Variants in PPP2R3A observed in about 807,000 individuals in gnomAD.
PPP2R3A encodes serine/threonine-protein phosphatase 2A regulatory subunit B'' subunit alpha.
A neutral mutation model predicts 106.9 loss-of-function variants in PPP2R3A; 80 were observed. The observed-to-expected ratio is 0.75, with a 90% CI of 0.62 to 0.90. The LOEUF (loss-of-function observed/expected upper bound fraction) is 0.90. PPP2R3A is among the 40% of genes least tolerant of loss of function. PPP2R3A has a pLI of 0.00. For missense variants in PPP2R3A, 1,386 were observed against 1,350.4 expected, an observed-to-expected ratio of 1.03 and a Z score of -0.41; for synonymous variants, 483 against 468.3, an observed-to-expected ratio of 1.03 and a Z score of -0.41.
chr3:136,128,088 T>G (rs548145916), intron 13 of PPP2R3A, among the ~76,000 whole-genome samples: 77 of 152,268 alleles, frequency 5.1e-4, no homozygotes, highest in Non-Finnish European at 3.5e-4. Flanking sequence ...ATCGATGCTA[T>G]GAAGAAACTG....
At chr3:136,022,531 G>A (rs570001668) in intron 2 of PPP2R3A, among the ~76,000 whole-genome samples, 8 of 152,042 alleles carry the variant, frequency 5.3e-5, no homozygotes, top group African/African-American at 1.4e-4. Context: ...TCAGTAGCCT[G>A]TTCTTTTTTT....
intron 9 of PPP2R3A, among the ~76,000 whole-genome samples, chr3:136,088,507 T>C (rs1272423707): frequency 6.6e-6 from 1 of 152,210 alleles, no homozygotes; most frequent in Non-Finnish European, 1.5e-5. Context: ...TTGGTAGGCA[T>C]CTAGGTTGAT....
At chr3:135,977,179 C>G (rs1277486880) in intron 1 of PPP2R3A, among the ~76,000 whole-genome samples, 1 of 151,990 alleles carries the variant, frequency 6.6e-6, no homozygotes, top group Non-Finnish European at 1.5e-5. Context: ...ACAATGAACA[C>G]TTGTTACCAC....
chr3:136,047,752 A>C (rs1004237897), intron 4 of PPP2R3A, among the ~76,000 whole-genome samples: 1 of 152,028 alleles, frequency 6.6e-6, no homozygotes, highest in African/African-American at 2.4e-5. Context: ...ATACAAAAAA[A>C]AATTTAGGCA....
chr3:136,088,150 G>A (rs1308279439), intron 9 of PPP2R3A, among the ~76,000 whole-genome samples: 1 of 152,108 alleles, frequency 6.6e-6, no homozygotes, highest in Non-Finnish European at 1.5e-5. Context: ...TGTCACATGG[G>A]AACACTGGGT....
chr3:136,100,416 T>C (rs1352403756), intron 10 of PPP2R3A, among the ~76,000 whole-genome samples: 1 of 151,840 alleles, frequency 6.6e-6, no homozygotes, highest in Non-Finnish European at 1.5e-5. Flanking sequence ...GGCTCACGCC[T>C]GTAATCCCAG....
Position 136,001,669 on chromosome 3 carries a change from C to T in PPP2R3A, c.171C>T (p.His57=), listed in dbSNP as rs577322655. ...VHHSVCADLL[H]IPVSQFKDAD... is the part of the protein sequence containing the mutation. ...ATAGTGTTTGTGCAGACCTCTTGCACATCCCTGTGTCTCAGTTCAAAGATG... is the reference window on the plus strand; with the variant it reads ...ATAGTGTTTGTGCAGACCTCTTGCATATCCCTGTGTCTCAGTTCAAAGATG... Residue 57 remains histidine, a synonymous_variant, in exon 2 of 14, where the codon CAC becomes CAT. Transcript: ENST00000264977. 8 of 1,614,154 alleles carry T rather than the reference C, an allele frequency of 5.0e-6. No homozygotes were observed. The highest frequency in any genetic ancestry group is 5.9e-6 in the Non-Finnish European group (7 of 1,180,028).
chr3:135,990,755 C>A (rs1933125735), intron 1 of PPP2R3A, among the ~76,000 whole-genome samples: 1 of 152,086 alleles, frequency 6.6e-6, no homozygotes, highest in Non-Finnish European at 1.5e-5. Context: ...CACGGATTCT[C>A]TTCTAGACTC....
chr3:136,147,819 TAA>T lies in PPP2R3A; in HGVS notation c.*2654_*2655del, dbSNP rs1164294575. ...AGATTTGCTCAGCTTTTTGAAATGT[TAA>T]GATGTGTTTGGAGAAGGCTGCATGA... On this transcript the variant is annotated 3_prime_UTR_variant, in exon 14 of 14. Coordinates refer to ENST00000264977, the MANE Select transcript of PPP2R3A (RefSeq NM_002718.5). 1 of 152,216 alleles carries T rather than the reference TAA, an allele frequency of 6.6e-6. No homozygotes were observed. The highest frequency in any genetic ancestry group is 2.4e-5 in the African/African-American group (1 of 41,456). The allele number at this position is 152,216 out of a possible 1,614,324, so 9.4% of individuals were successfully genotyped here.
intron 13 of PPP2R3A, among the ~76,000 whole-genome samples, chr3:136,132,791 G>C (rs1403050873): frequency 6.6e-6 from 1 of 151,782 alleles, no homozygotes; most frequent in Non-Finnish European, 1.5e-5. Flanking sequence ...AAAATATCTA[G>C]AATAGCCAAA....
Position 135,985,586 on chromosome 3 carries a change from G to A in PPP2R3A, c.-440-15473G>A, listed in dbSNP as rs575636040. Among the ~76,000 whole-genome samples the A allele has an allele frequency of 5.6e-4, 85 of 152,228 alleles. 1 individual carries two copies. The highest frequency in any genetic ancestry group is 1.5e-3 in the African/African-American group (61 of 41,548). On this transcript the variant is annotated intron_variant, in intron 1 of 13. Coordinates refer to ENST00000264977, the MANE Select transcript of PPP2R3A (RefSeq NM_002718.5). The stretch of plus-strand genomic sequence containing the variant: ...GTAGTCTTACACCTAATGTATAACC[G>A]TTCCTTTGACCCTGCCAGTGGAGGC...
intron 13 of PPP2R3A, among the ~76,000 whole-genome samples, chr3:136,140,302 T>C (rs1053716444): frequency 1.1e-4 from 16 of 151,860 alleles, no homozygotes; most frequent in African/African-American, 3.1e-4. Context: ...TCAAGATGAA[T>C]TGTGAGGCCA....
intron 2 of PPP2R3A, among the ~76,000 whole-genome samples, chr3:136,018,061 G>A (rs570573985): frequency 4.3e-4 from 66 of 152,332 alleles, no homozygotes; most frequent in African/African-American, 1.5e-3. Flanking sequence ...GAGCCCAGGA[G>A]TTCAGGACCA....
At position 136,002,923 on chromosome 3, in the gene PPP2R3A, A is replaced by C. The variant is rs1273466955; in HGVS notation, c.1425A>C (p.Lys475Asn). ...ATGAAATTGGTAAGATATTTGAGAAATCATTTGTTAATCTACCTAAGGAAG... is the reference window on the plus strand; with the variant it reads ...ATGAAATTGGTAAGATATTTGAGAACTCATTTGTTAATCTACCTAAGGAAG... ...MQNEIGKIFE[K>N]SFVNLPKEDC... Residue 475 changes from lysine to asparagine, a missense_variant, in exon 2 of 14, where the codon AAA becomes AAC. Coordinates refer to ENST00000264977, the MANE Select transcript of PPP2R3A (RefSeq NM_002718.5). 2 of 1,611,830 alleles carry C rather than the reference A, an allele frequency of 1.2e-6. No homozygotes were observed. Among genetic ancestry groups the C allele is most frequent in the East Asian group, 4.5e-5 (2 of 44,854 alleles).
intron 5 of PPP2R3A, among the ~76,000 whole-genome samples, chr3:136,056,796 A>C (rs191876955): frequency 6.6e-6 from 1 of 152,314 alleles, no homozygotes; most frequent in Non-Finnish European, 1.5e-5. Flanking sequence ...GAAAATCTAC[A>C]GAATGGTAGA....
chr3:136,066,578 T>C (rs1323868379), intron 5 of PPP2R3A, among the ~76,000 whole-genome samples: 1 of 152,196 alleles, frequency 6.6e-6, no homozygotes, highest in Non-Finnish European at 1.5e-5. Flanking sequence ...AGTACGGTGC[T>C]GGCATCTGCT....
intron 13 of PPP2R3A, 48 bp from the exon 14 acceptor site, chr3:136,144,995 A>G (rs774091334): frequency 9.5e-6 from 15 of 1,584,476 alleles, no homozygotes; most frequent in Non-Finnish European, 1.2e-5. Flanking sequence ...TTTCTACCCA[A>G]ACTTTAATCA....
At chr3:135,997,772 A>G (rs1044926642) in intron 1 of PPP2R3A, among the ~76,000 whole-genome samples, 11 of 152,162 alleles carry the variant, frequency 7.2e-5, no homozygotes, top group Non-Finnish European at 1.2e-4. Flanking sequence ...CTGCTGTTCT[A>G]TGGATTCTTC....
chr3:136,106,687 C>G (rs1017253940), intron 13 of PPP2R3A: 1 of 191,898 alleles, frequency 5.2e-6, no homozygotes, highest in African/African-American at 2.4e-5. Flanking sequence ...TTTGGGAGGC[C>G]GAGGCGGGTG....
Sources: gnomAD v4.1 joint callset for allele counts (sites outside exome capture counted in the v4.1 genomes callset) on GRCh38, gnomAD v4.1.1 for gene constraint, MANE v1.5 for transcripts, NCBI Gene and HGNC (gene_info 2026-07-23, HGNC 2026-07-21) for gene names.